Variants in PARD3 observed in about 807,000 individuals in gnomAD.
PARD3 encodes the protein partitioning defective 3 homolog.
A neutral mutation model predicts 155.4 loss-of-function variants in PARD3; 75 were observed. The observed-to-expected ratio is 0.48, with a 90% CI of 0.40 to 0.58. The LOEUF is 0.58. PARD3 is among the 20% of genes least tolerant of loss of function. The probability of loss-of-function intolerance (pLI) is 0.00; values close to 1 mark genes in which losing one functional copy is unlikely to be tolerated. For missense variants in PARD3, 1,642 were observed against 1,721.7 expected (o/e 0.95, Z 0.82); for synonymous variants, 576 against 610.5 (o/e 0.94, Z 0.83).
At chr10:34,420,620 G>C in intron 5 of PARD3, among the ~76,000 whole-genome samples, 1 of 152,148 alleles carries the variant, frequency 6.6e-6, no homozygotes, top group South Asian at 2.1e-4. Context: ...CCTCTCTCTT[G>C]ATGGTCACTG....
chr10:34,356,602 C>T lies in PARD3; in HGVS notation c.2067+2545G>A, dbSNP rs1048955570. On this transcript the variant is annotated intron_variant, in intron 14 of 24. Coordinates refer to ENST00000374788, the MANE Select transcript of PARD3 (RefSeq NM_001184785.2). Reference sequence around the variant, plus strand: ...TAAAAGACCTAGAAAGAAAACTCAGCACATTATTTTGGCTTGAGATTTGTT... The same window carrying T: ...TAAAAGACCTAGAAAGAAAACTCAGTACATTATTTTGGCTTGAGATTTGTT... Among the ~76,000 whole-genome samples, 8 of 152,302 alleles carry T rather than the reference C, an allele frequency of 5.3e-5. No homozygotes were observed. In the East Asian group the frequency reaches 1.5e-3, roughly 29 times the overall value.
intron 1 of PARD3, among the ~76,000 whole-genome samples, chr10:34,787,002 T>G (rs1169664203): frequency 6.6e-6 from 1 of 152,206 alleles, no homozygotes; most frequent in Admixed American, 6.5e-5. Context: ...AAAAGTCAAG[T>G]AACCAGAAAA....
intron 22 of PARD3, among the ~76,000 whole-genome samples, chr10:34,149,836 C>G (rs559155896): frequency 1.3e-5 from 2 of 152,244 alleles, no homozygotes; most frequent in East Asian, 3.9e-4. Context: ...TGATGTTGTT[C>G]TTTTTGCCTT....
chr10:34,742,611 A>T (rs1423192618), intron 1 of PARD3, among the ~76,000 whole-genome samples: 2 of 152,206 alleles, frequency 1.3e-5, no homozygotes, highest in Non-Finnish European at 2.9e-5. Flanking sequence ...AGAATCTCAT[A>T]GATGATCTAA....
At chr10:34,313,636 G>A (rs528024047) in intron 20 of PARD3, among the ~76,000 whole-genome samples, 11 of 152,108 alleles carry the variant, frequency 7.2e-5, no homozygotes, top group African/African-American at 2.2e-4. Context: ...ATCTACTCAA[G>A]GTACCATCAT....
intron 22 of PARD3, among the ~76,000 whole-genome samples, chr10:34,180,471 G>A (rs1589039061): frequency 6.6e-6 from 1 of 152,320 alleles, no homozygotes; most frequent in Non-Finnish European, 1.5e-5. Flanking sequence ...GGTAACTGCA[G>A]GAAGGAGTCT....
chr10:34,534,181 G>A (rs948004822), intron 2 of PARD3, among the ~76,000 whole-genome samples: 1 of 151,346 alleles, frequency 6.6e-6, no homozygotes, highest in Non-Finnish European at 1.5e-5. Flanking sequence ...CAGGAGAATG[G>A]CATGAACCTG....
At chr10:34,801,549 T>C (rs368302895) in intron 1 of PARD3, among the ~76,000 whole-genome samples, 2 of 152,204 alleles carry the variant, frequency 1.3e-5, no homozygotes, top group South Asian at 2.1e-4. Flanking sequence ...AGAATGTGAA[T>C]GAGCCTTCAA....
chr10:34,698,173 T>C (rs560435396), intron 1 of PARD3, among the ~76,000 whole-genome samples: 83 of 152,312 alleles, frequency 5.4e-4, no homozygotes, highest in Non-Finnish European at 1.0e-3. Context: ...ATGTGGCTTA[T>C]GAAACCATTC....
intron 22 of PARD3, among the ~76,000 whole-genome samples, chr10:34,245,906 A>T (rs115440867): frequency 0.032 from 4,814 of 152,276 alleles, 238 homozygotes; most frequent in African/African-American, 0.11. Flanking sequence ...TACAGTGTCA[A>T]TGGAAATCAT....
rs556533671 is a variant in PARD3, at chr10:34,635,985, A to G, written c.222+60333T>C. 3.9e-5 allele frequency among the ~76,000 whole-genome samples: 6 copies of G among 151,916 alleles called. No individual in the cohort carries two copies. In the South Asian group the frequency reaches 1.0e-3, roughly 26 times the overall value. ...CCCTCCACAGAATTTTTTTTTACGCAAGGATAACTTTTCTTAAGTAACTTT... is the reference window on the plus strand; with the variant it reads ...CCCTCCACAGAATTTTTTTTTACGCGAGGATAACTTTTCTTAAGTAACTTT... On this transcript the variant is annotated intron_variant, in intron 2 of 24. Transcript: ENST00000374788.
At chr10:34,616,927 T>C (rs2091292619) in intron 2 of PARD3, among the ~76,000 whole-genome samples, 1 of 122,114 alleles carries the variant, frequency 8.2e-6, no homozygotes, top group Non-Finnish European at 1.6e-5. Flanking sequence ...AGAGCACCTG[T>C]CTCAAAAAAA....
In PARD3 at chr10:34,643,561, A is replaced by G. The variant is rs80280209; in HGVS notation, c.222+52757T>C. ...CTTTGTTATGTATAAATATATTACC[A>G]TAGAGAATTCCTTTAATTCAGAGCA... On this transcript the variant is annotated intron_variant, in intron 2 of 24. Transcript: ENST00000374788. Among the ~76,000 whole-genome samples the G allele has an allele frequency of 3.6e-3, 555 of 152,338 alleles. 1 individual carries two copies. Among genetic ancestry groups the G allele is most frequent in the African/African-American group, 0.012 (515 of 41,588 alleles).
intron 3 of PARD3, among the ~76,000 whole-genome samples, chr10:34,510,334 C>A (rs1053823497): frequency 6.6e-6 from 1 of 152,198 alleles, no homozygotes. Context: ...GAGCCTCCGT[C>A]AAAGGCAAGC....
intron 2 of PARD3, among the ~76,000 whole-genome samples, chr10:34,636,194 G>A (rs1446011883): frequency 6.6e-6 from 1 of 151,988 alleles, no homozygotes; most frequent in Non-Finnish European, 1.5e-5. Flanking sequence ...ATGTGCCCAG[G>A]GCCCTCATCA....
At chr10:34,147,866 G>T (rs1588931861) in intron 22 of PARD3, among the ~76,000 whole-genome samples, 1 of 152,098 alleles carries the variant, frequency 6.6e-6, no homozygotes, top group East Asian at 1.9e-4. Context: ...AAACCACCTG[G>T]TGCCTCAAGG....
At chr10:34,142,757 T>C (rs1371506153) in intron 22 of PARD3, among the ~76,000 whole-genome samples, 1 of 152,166 alleles carries the variant, frequency 6.6e-6, no homozygotes, top group African/African-American at 2.4e-5. Flanking sequence ...CTTTTCATAG[T>C]GTGATTTTCT....
At chr10:34,633,354 C>G (rs1411111272) in intron 2 of PARD3, among the ~76,000 whole-genome samples, 1 of 152,028 alleles carries the variant, frequency 6.6e-6, no homozygotes, top group Non-Finnish European at 1.5e-5. Flanking sequence ...CCCTCCCAAC[C>G]GCTAACCTCC....
chr10:34,315,256 C>T (rs1426613036), intron 20 of PARD3, among the ~76,000 whole-genome samples: 1 of 152,162 alleles, frequency 6.6e-6, no homozygotes, highest in East Asian at 1.9e-4. Flanking sequence ...CCCTTAGAAA[C>T]AATACACATT....
Sources: gnomAD v4.1 joint callset for allele counts (sites outside exome capture counted in the v4.1 genomes callset) on GRCh38, gnomAD v4.1.1 for gene constraint, MANE v1.5 for transcripts, NCBI Gene and HGNC (gene_info 2026-07-23, HGNC 2026-07-21) for gene names.